The following PLPP7 variants were observed in gnomAD, a reference collection of about 807,000 sequenced individuals.
The protein encoded by PLPP7 is phospholipid phosphatase 7 (inactive).
In PLPP7, 11 loss-of-function variants were observed where a neutral mutation model predicts 16.9. That is an observed-to-expected ratio of 0.65 (90% confidence interval 0.41 to 1.08). PLPP7 has a LOEUF of 1.08. Among genes scored for constraint, PLPP7 ranks in the 50% least tolerant of loss-of-function variants. The probability of loss-of-function intolerance (pLI) is 0.00; values close to 1 mark genes in which losing one functional copy is unlikely to be tolerated. For missense variants in PLPP7, 358 were observed against 397.1 expected, an observed-to-expected ratio of 0.90 and a Z score of 0.84; for synonymous variants, 174 against 175.1, an observed-to-expected ratio of 0.99 and a Z score of 0.05.
At chr9:131,298,026 G>A (rs776197173) in intron 1 of PLPP7, among the ~76,000 whole-genome samples, 2 of 152,122 alleles carry the variant, frequency 1.3e-5, no homozygotes, top group African/African-American at 2.4e-5. Flanking sequence ...ATGCTCTGGT[G>A]TCTAGATTAG....
chr9:131,290,289 G>C lies in PLPP7; in HGVS notation c.292G>C (p.Val98Leu). Residue 98 changes from valine to leucine, a missense_variant, in exon 1 of 2, where the codon GTG becomes CTG. Physicochemically the swap from Val to Leu is conservative, Grantham distance 32. Coordinates refer to ENST00000372264, the MANE Select transcript of PLPP7 (RefSeq NM_032728.4). The surrounding 1 kb of genome is among the most constrained non-coding windows in gnomAD (Gnocchi z 4.2). Reference protein sequence around the residue: ...IDICMSKRLGVCAGRAASWAS... With the variant: ...IDICMSKRLGLCAGRAASWAS... Reference sequence around the variant, plus strand: ...TATCTGTATGTCCAAGCGGCTGGGGGTGTGCGCTGGCCGGGCGGCGTCCTG... The same window carrying C: ...TATCTGTATGTCCAAGCGGCTGGGGCTGTGCGCTGGCCGGGCGGCGTCCTG... The C allele has an allele frequency of 6.2e-7, 1 of 1,612,318 alleles. No homozygotes were observed. The highest frequency in any genetic ancestry group is 8.5e-7 in the Non-Finnish European group (1 of 1,179,244).
In PLPP7 at chr9:131,290,456, TGCCTGCC is replaced by T; in HGVS notation, c.451+12_451+18del. On this transcript the variant is annotated intron_variant, in intron 1 of 1. Transcript: ENST00000372264. The surrounding 1 kb of genome is among the most constrained non-coding windows in gnomAD (Gnocchi z 4.2). ...TCATGAATCTGCTCCTGGGTGAGTG[TGCCTGCC>T]GCCCGCCACTCACTGTCAGGCCCCT... 6.7e-7 allele frequency: 1 copy of T among 1,486,872 alleles called. No individual in the cohort carries two copies. The highest frequency in any genetic ancestry group is 8.9e-7 in the Non-Finnish European group (1 of 1,120,602). The allele number at this position is 1,486,872 out of a possible 1,614,324, so 92.1% of individuals were successfully genotyped here. A position where few individuals can be genotyped will look rare whatever the true frequency, so the allele number is the denominator to read the frequency against.
chr9:131,302,583 C>T (rs543929799), intron 1 of PLPP7, among the ~76,000 whole-genome samples: 2 of 152,334 alleles, frequency 1.3e-5, no homozygotes, highest in East Asian at 1.9e-4. Flanking sequence ...GAAGACCCAG[C>T]CCAGGGGAAC....
intron 1 of PLPP7, among the ~76,000 whole-genome samples, chr9:131,301,619 G>A (rs1165659733): frequency 1.3e-5 from 2 of 152,182 alleles, no homozygotes; most frequent in Non-Finnish European, 2.9e-5. Context: ...GTTCCTGCAC[G>A]GTGCCCCAGC....
chr9:131,300,417 G>A (rs983165106), intron 1 of PLPP7, among the ~76,000 whole-genome samples: 5 of 152,142 alleles, frequency 3.3e-5, no homozygotes, highest in African/African-American at 1.2e-4. Flanking sequence ...AGGCACAGCG[G>A]CTCACACCTG....
chr9:131,299,919 G>T lies in PLPP7; in HGVS notation c.452-8004G>T, dbSNP rs567484692. 1.3e-4 allele frequency among the ~76,000 whole-genome samples: 20 copies of T among 152,320 alleles called. No homozygotes were observed. The East Asian group carries it at 3.9e-3, about 29-fold the overall frequency. On this transcript the variant is annotated intron_variant, in intron 1 of 1. Coordinates refer to ENST00000372264, the MANE Select transcript of PLPP7 (RefSeq NM_032728.4). ...GGCTGGGCCCTATGGTCCCCGCAGG[G>T]CCCAGGGAAGAAAGGGGGCAGATAC... is the stretch of plus-strand genomic sequence containing the variant.
intron 1 of PLPP7, among the ~76,000 whole-genome samples, chr9:131,302,788 C>A (rs1236886939): frequency 6.6e-6 from 1 of 152,142 alleles, no homozygotes; most frequent in Admixed American, 6.5e-5. Context: ...ACGATTCAAA[C>A]CCCAAACAGA....
At chr9:131,307,795 G>A in intron 1 of PLPP7, 128 bp from the exon 2 acceptor site, 2 of 957,632 alleles carry the variant, frequency 2.1e-6, no homozygotes, top group South Asian at 3.5e-5. Context: ...ACCCTGCCTG[G>A]GGGTCAGTGT....
chr9:131,300,475 A>C (rs1467870222), intron 1 of PLPP7, among the ~76,000 whole-genome samples: 2 of 152,100 alleles, frequency 1.3e-5, no homozygotes, highest in Non-Finnish European at 2.9e-5. Context: ...ACTTGAGCTC[A>C]GGAGTTCAAG....
At chr9:131,292,909 C>T (rs922665712) in intron 1 of PLPP7, 4 of 985,206 alleles carry the variant, frequency 4.1e-6, no homozygotes, top group Non-Finnish European at 4.8e-6. Context: ...AAGCTGTTTG[C>T]CCCACAGGAT....
chr9:131,298,759 T>TG (rs1339868583), intron 1 of PLPP7, among the ~76,000 whole-genome samples: 4 of 152,238 alleles, frequency 2.6e-5, no homozygotes, highest in African/African-American at 9.6e-5. Context: ...GCCTGGCCTC[T>TG]GGGAGCCTCC....
intron 1 of PLPP7, chr9:131,292,964 A>G: frequency 1.0e-6 from 1 of 985,352 alleles, no homozygotes; most frequent in Non-Finnish European, 1.2e-6. Context: ...CAGAAGTGAT[A>G]GACATTTTTA....
Position 131,307,843 on chromosome 9 carries a change from G to T in PLPP7, c.452-80G>T, listed in dbSNP as rs1020481735. 5.0e-6 allele frequency: 7 copies of T among 1,390,852 alleles called. No homozygotes were observed. In the South Asian group the frequency reaches 5.7e-5, roughly 11 times the overall value. The allele number at this position is 1,390,852 out of a possible 1,614,324, so 86.2% of individuals were successfully genotyped here. ...TGAGTGAGGAGCAGAAAGGGGAGGC[G>T]AGGTGGAAATGTGGGGGGCCAGGGC... is the stretch of plus-strand genomic sequence containing the variant. On this transcript the variant is annotated intron_variant, in intron 1 of 1. Coordinates refer to ENST00000372264, the MANE Select transcript of PLPP7 (RefSeq NM_032728.4).
At chr9:131,304,815 C>T (rs1279421195) in intron 1 of PLPP7, among the ~76,000 whole-genome samples, 2 of 152,180 alleles carry the variant, frequency 1.3e-5, no homozygotes, top group Non-Finnish European at 2.9e-5. Context: ...CCGCAGACAG[C>T]GAACCCTCAC....
At chr9:131,294,085 C>A (rs1409594218) in intron 1 of PLPP7, among the ~76,000 whole-genome samples, 3 of 152,208 alleles carry the variant, frequency 2.0e-5, no homozygotes, top group African/African-American at 7.2e-5. Context: ...CCCTGCTTGG[C>A]AAGCAGTCCC....
At chr9:131,292,764 C>T (rs1332827785) in intron 1 of PLPP7, 1 of 963,456 alleles carries the variant, frequency 1.0e-6, no homozygotes, top group Admixed American at 6.8e-5. Flanking sequence ...AGTAAAATAG[C>T]TCTGCTTTGT....
At position 131,290,158 on chromosome 9, in the gene PLPP7, ACGGGG is replaced by A; in HGVS notation, c.163_167del (p.Gly55GlnfsTer232). ...TCAGCACAGCCCCCACCTGCTGGTG[ACGGGG>A]CCAGAGAGCGACGCCAGTCACAGCA... is the stretch of plus-strand genomic sequence containing the variant. On this transcript the variant is annotated frameshift_variant, in exon 1 of 2. Coordinates refer to ENST00000372264, the MANE Select transcript of PLPP7 (RefSeq NM_032728.4). LOFTEE classifies it high-confidence loss of function. The surrounding 1 kb of genome is among the most constrained non-coding windows in gnomAD (Gnocchi z 4.2). 1 of 1,576,038 alleles carries A rather than the reference ACGGGG, an allele frequency of 6.3e-7. No individual in the cohort carries two copies. The highest frequency in any genetic ancestry group is 8.6e-7 in the Non-Finnish European group (1 of 1,156,946).
At position 131,290,373 on chromosome 9, in the gene PLPP7, A is replaced by G. The variant is rs1215147250; in HGVS notation, c.376A>G (p.Ile126Val). The G allele has an allele frequency of 6.2e-7, 1 of 1,605,194 alleles. No individual in the cohort carries two copies. The highest frequency in any genetic ancestry group is 8.5e-7 in the Non-Finnish European group (1 of 1,176,144). ...IGITGHGIPW[I>V]GGTILCLVKS... ...CATCACGGGCCACGGCATCCCCTGG[A>G]TCGGAGGCACCATCCTCTGCCTGGT... Residue 126 changes from isoleucine to valine, a missense_variant, in exon 1 of 2, where the codon ATC becomes GTC. By Grantham distance (29) the Ile-to-Val change is conservative. Coordinates refer to ENST00000372264, the MANE Select transcript of PLPP7 (RefSeq NM_032728.4). This position sits in a 1 kb window ranked among gnomAD's most constrained non-coding sequence, Gnocchi z 4.2.
rs978448773 is a variant in PLPP7 at position 131,290,991 on chromosome 9, C to A, written c.451+543C>A. 3 of 1,164,392 alleles carry A rather than the reference C, an allele frequency of 2.6e-6. No individual in the cohort carries two copies. Among genetic ancestry groups the A allele is most frequent in the Non-Finnish European group, 3.6e-6 (3 of 841,104 alleles). 72.1% of individuals were successfully genotyped at this position (1,164,392 alleles called of 1,614,324 possible). A position where few individuals can be genotyped will look rare whatever the true frequency, so the allele number is the denominator to read the frequency against. ...AGGGAGTTCCCCTGGGACTGCCACC[C>A]ACTCACAGCCCCCTGGAGTTCTTCC... On this transcript the variant is annotated intron_variant, in intron 1 of 1. Transcript: ENST00000372264. This position sits in a 1 kb window ranked among gnomAD's most constrained non-coding sequence, Gnocchi z 4.2.
Sources: gnomAD v4.1 joint callset for allele counts (sites outside exome capture counted in the v4.1 genomes callset) on GRCh38, gnomAD v4.1.1 for gene constraint, Gnocchi (gnomAD v3.1) non-coding constraint, MANE v1.5 for transcripts, NCBI Gene and HGNC (gene_info 2026-07-23, HGNC 2026-07-21) for gene names.